UACA: variants seen among roughly 807,000 people sequenced by gnomAD.
UACA encodes the protein nuclear membrane binding protein.
Under a neutral mutation model 160.5 loss-of-function variants are expected in UACA, and 112 were observed. That is an observed-to-expected ratio of 0.70 (90% CI 0.60 to 0.82). UACA has a LOEUF of 0.82. Among genes scored for constraint, UACA ranks in the 40% least tolerant of loss-of-function variants. The pLI, the probability that UACA is intolerant of heterozygous loss-of-function variation, is 0.00. For synonymous variants in UACA, 557 were observed against 568.4 expected (o/e 0.98, Z 0.29); for missense variants, 1,574 against 1,614.6 (o/e 0.97, Z 0.43).
At chr15:70,709,065 A>G (rs1898602256) in intron 1 of UACA, among the ~76,000 whole-genome samples, 1 of 152,220 alleles carries the variant, frequency 6.6e-6, no homozygotes, top group African/African-American at 2.4e-5. Context: ...TAATCCTTTA[A>G]CAAAAGATAC....
At chr15:70,738,178 C>A (rs28457214) in intron 1 of UACA, among the ~76,000 whole-genome samples, 27,770 of 151,840 alleles carry the variant, frequency 0.18, 3,956 homozygotes, top group African/African-American at 0.4. Flanking sequence ...CATTTATATT[C>A]ATCAGTAAAA....
intron 3 of UACA, among the ~76,000 whole-genome samples, chr15:70,693,856 C>G (rs1898028519): frequency 6.6e-6 from 1 of 152,162 alleles, no homozygotes; most frequent in Non-Finnish European, 1.5e-5. Flanking sequence ...AAATATTCTT[C>G]TACATCAATG....
chr15:70,666,504 G>C (rs1896909855), intron 16 of UACA, among the ~76,000 whole-genome samples: 1 of 152,136 alleles, frequency 6.6e-6, no homozygotes, highest in East Asian at 1.9e-4. Flanking sequence ...CATCGTTCCT[G>C]AATTCTTGGC....
At chr15:70,696,439 T>G (rs1286242562) in intron 2 of UACA, among the ~76,000 whole-genome samples, 2 of 152,182 alleles carry the variant, frequency 1.3e-5, no homozygotes, top group Non-Finnish European at 2.9e-5. Flanking sequence ...ACTGCATGCT[T>G]GGAGACAAAA....
At chr15:70,763,692 C>A, upstream of UACA, 1 of 404,200 alleles carries the variant, frequency 2.5e-6, no homozygotes. Flanking sequence ...CCTTCCTCTC[C>A]CAGCTGGAGG....
intron 13 of UACA, among the ~76,000 whole-genome samples, chr15:70,672,954 G>T (rs1193501579): frequency 6.6e-6 from 1 of 152,142 alleles, no homozygotes; most frequent in Non-Finnish European, 1.5e-5. Flanking sequence ...AAATTAGCTG[G>T]GTGTGGTGGC....
intron 1 of UACA, among the ~76,000 whole-genome samples, chr15:70,750,825 C>T (rs1470598238): frequency 6.6e-6 from 1 of 151,858 alleles, no homozygotes; most frequent in Non-Finnish European, 1.5e-5. Context: ...GAGCAAGGTC[C>T]GGTCTCAAAA....
the UACA span, among the ~76,000 whole-genome samples, chr15:70,774,778 G>A: frequency 2.6e-5 from 4 of 152,222 alleles, no homozygotes; most frequent in Middle Eastern, 3.4e-3. Context: ...AATAGGCTGG[G>A]TGCAGTGGCT....
chr15:70,725,392 G>C (rs1005114905), intron 1 of UACA, among the ~76,000 whole-genome samples: 2 of 152,258 alleles, frequency 1.3e-5, no homozygotes, highest in East Asian at 3.9e-4. Flanking sequence ...TCTTTCCTCT[G>C]ACCAAGAATG....
At chr15:70,756,461 C>T (rs1477876326) in intron 1 of UACA, among the ~76,000 whole-genome samples, 1 of 151,854 alleles carries the variant, frequency 6.6e-6, no homozygotes, top group African/African-American at 2.4e-5. Context: ...GTACCCAGCC[C>T]CAAATGCAGT....
intron 15 of UACA, 22 bp downstream of exon 15, chr15:70,671,017 T>TA (rs372164200): frequency 0.04 from 43,270 of 1,086,708 alleles, no homozygotes; most frequent in South Asian, 0.051. Flanking sequence ...TTTTTAAAAT[T>TA]AAAAAAAAAA....
At chr15:70,745,267 TA>T (rs1036460920) in intron 1 of UACA, among the ~76,000 whole-genome samples, 4 of 149,532 alleles carry the variant, frequency 2.7e-5, no homozygotes, top group South Asian at 2.1e-4. Context: ...CCTTCTCTAC[TA>T]AAAAAAAATA....
At chr15:70,705,399 G>T (rs1241019747) in intron 1 of UACA, among the ~76,000 whole-genome samples, 3 of 152,020 alleles carry the variant, frequency 2.0e-5, no homozygotes, top group African/African-American at 7.2e-5. Flanking sequence ...AGCCAGGCAT[G>T]GTGATGCATG....
the UACA span, among the ~76,000 whole-genome samples, chr15:70,769,338 C>CAAAAA: frequency 1.4e-4 from 11 of 77,624 alleles, no homozygotes; most frequent in South Asian, 6.4e-4. Flanking sequence ...GACTCCGACT[C>CAAAAA]AAAAAAAAAA....
At position 70,763,542 on chromosome 15, in the gene UACA, G is replaced by A. The variant is rs564097233; in HGVS notation, c.-135C>T. On this transcript the variant is annotated 5_prime_UTR_variant, in exon 1 of 19. Transcript: ENST00000322954. Reference sequence around the variant, plus strand: ...CACCTGCCTGCCACCTGCGGGCCCCGGGCAGCAGACGTCGACAGGCCTGAG... The same window carrying A: ...CACCTGCCTGCCACCTGCGGGCCCCAGGCAGCAGACGTCGACAGGCCTGAG... 1.3e-3 allele frequency: 1,597 copies of A among 1,245,318 alleles called. 6 individuals are homozygous for A. Among genetic ancestry groups the A allele is most frequent in the Non-Finnish European group, 9.8e-4 (967 of 991,476 alleles). 77.1% of individuals were successfully genotyped at this position (1,245,318 alleles called of 1,614,324 possible).
intron 1 of UACA, among the ~76,000 whole-genome samples, chr15:70,703,477 G>GT (rs1161914550): frequency 6.6e-6 from 1 of 152,038 alleles, no homozygotes; most frequent in Non-Finnish European, 1.5e-5. Flanking sequence ...AACAATGATT[G>GT]TTTTTTCCCC....
intron 7 of UACA, among the ~76,000 whole-genome samples, chr15:70,686,397 T>G (rs1436592651): frequency 1.3e-5 from 2 of 151,928 alleles, no homozygotes; most frequent in Non-Finnish European, 2.9e-5. Flanking sequence ...GGGAATTGAT[T>G]GAAAGCATTA....
At chr15:70,703,985 C>CT (rs1898453996) in intron 1 of UACA, among the ~76,000 whole-genome samples, 1 of 152,190 alleles carries the variant, frequency 6.6e-6, no homozygotes, top group Non-Finnish European at 1.5e-5. Context: ...ACTCTTTATC[C>CT]TTGCACCGTT....
intron 1 of UACA, among the ~76,000 whole-genome samples, chr15:70,743,568 T>C (rs528826854): frequency 2.6e-5 from 4 of 152,268 alleles, no homozygotes; most frequent in East Asian, 1.9e-4. Flanking sequence ...AAATCTAACA[T>C]GTAAAGCTAT....
Sources: allele counts gnomAD v4.1 joint callset (sites outside exome capture counted in the v4.1 genomes callset), GRCh38; gene constraint gnomAD v4.1.1; transcripts MANE v1.5; gene names NCBI Gene and HGNC (gene_info 2026-07-23, HGNC 2026-07-21).